The following PLCL1 variants were observed in gnomAD, a reference collection of about 807,000 sequenced individuals.
PLCL1 encodes phospholipase C like 1 (inactive), also known as inactive phospholipase C-like protein 1.
PLCL1 carries 41 observed loss-of-function variants against 84.4 expected under a neutral mutation model. That is an observed-to-expected ratio of 0.49 (90% CI 0.38 to 0.63). PLCL1 has a LOEUF of 0.63. Ranked by LOEUF, PLCL1 falls within the 30% of genes least tolerant of loss-of-function variation. PLCL1 has a pLI of 0.00. For synonymous variants in PLCL1, 490 were observed against 488.3 expected (o/e 1.00, Z -0.05); for missense variants, 1,206 against 1,367.8 (o/e 0.88, Z 1.87).
At chr2:197,904,722 T>C (rs2105740290) in intron 1 of PLCL1, among the ~76,000 whole-genome samples, 1 of 152,296 alleles carries the variant, frequency 6.6e-6, no homozygotes, top group South Asian at 2.1e-4. Flanking sequence ...GCAAGGTATA[T>C]TGGTCTGACA....
intron 5 of PLCL1, among the ~76,000 whole-genome samples, chr2:198,140,901 T>C (rs1694370389): frequency 6.6e-6 from 1 of 152,162 alleles, no homozygotes. Context: ...AATCCTAAAA[T>C]ACATCCTTTA....
rs948570429 is a variant in PLCL1, at chr2:198,148,466, A to C, written c.*1504A>C. On this transcript the variant is annotated 3_prime_UTR_variant, in exon 6 of 6. Transcript: ENST00000428675. ...AAAGCTAATGAAAATGGGTTACTAC[A>C]TCAAAAATATCTTAAAGAGTTTGCT... 6.6e-6 allele frequency: 1 copy of C among 152,338 alleles called. No homozygotes were observed. Among genetic ancestry groups the C allele is most frequent in the African/African-American group, 2.4e-5 (1 of 41,456 alleles). 9.4% of individuals were successfully genotyped at this position (152,338 alleles called of 1,614,324 possible). A position where few individuals can be genotyped will look rare whatever the true frequency, so the allele number is the denominator to read the frequency against.
intron 5 of PLCL1, among the ~76,000 whole-genome samples, chr2:198,108,659 T>C (rs1693547117): frequency 6.6e-6 from 1 of 151,920 alleles, no homozygotes; most frequent in East Asian, 1.9e-4. Flanking sequence ...TGAATAAGAA[T>C]TATAATTACA....
chr2:198,011,501 A>C (rs1574244926), intron 1 of PLCL1, among the ~76,000 whole-genome samples: 1 of 151,786 alleles, frequency 6.6e-6, no homozygotes, highest in African/African-American at 2.4e-5. Context: ...AATCTTCTTA[A>C]ATTTGTTAAG....
At chr2:198,096,014 T>C (rs1404138131) in intron 3 of PLCL1, among the ~76,000 whole-genome samples, 2 of 152,234 alleles carry the variant, frequency 1.3e-5, no homozygotes, top group African/African-American at 4.8e-5. Flanking sequence ...TGCCATTTTG[T>C]ATATGTCTTT....
chr2:198,073,840 C>T (rs1291990501), intron 1 of PLCL1, among the ~76,000 whole-genome samples: 2 of 152,142 alleles, frequency 1.3e-5, no homozygotes, highest in African/African-American at 2.4e-5. Context: ...GAATAGACTT[C>T]TCCAAATCTA....
At chr2:197,871,111 A>G (rs1038496679) in intron 1 of PLCL1, among the ~76,000 whole-genome samples, 1 of 152,090 alleles carries the variant, frequency 6.6e-6, no homozygotes, top group African/African-American at 2.4e-5. Flanking sequence ...ACTTACCCTC[A>G]AGCAGGAATG....
At chr2:198,119,985 G>T (rs927135192) in intron 5 of PLCL1, among the ~76,000 whole-genome samples, 1 of 151,984 alleles carries the variant, frequency 6.6e-6, no homozygotes, top group Non-Finnish European at 1.5e-5. Flanking sequence ...GGTCACTGTA[G>T]ATGCCTGTGT....
chr2:197,876,115 A>G (rs1687727736), intron 1 of PLCL1, among the ~76,000 whole-genome samples: 1 of 152,214 alleles, frequency 6.6e-6, no homozygotes, highest in African/African-American at 2.4e-5. Flanking sequence ...TGTATCTAAG[A>G]AGTATGGTTA....
intron 5 of PLCL1, among the ~76,000 whole-genome samples, chr2:198,123,601 C>T (rs1173904812): frequency 6.6e-6 from 1 of 152,006 alleles, no homozygotes; most frequent in African/African-American, 2.4e-5. Context: ...CCTGCCAACA[C>T]CTTGATATGG....
intron 1 of PLCL1, among the ~76,000 whole-genome samples, chr2:197,983,878 A>C (rs1017626910): frequency 1.3e-5 from 2 of 152,228 alleles, no homozygotes; most frequent in African/African-American, 4.8e-5. Context: ...CAGAAGGTGA[A>C]TAAAGAGTAG....
intron 1 of PLCL1, among the ~76,000 whole-genome samples, chr2:198,080,109 G>T (rs577233455): frequency 1.3e-5 from 2 of 152,162 alleles, no homozygotes; most frequent in African/African-American, 4.8e-5. Flanking sequence ...TATGGTCATT[G>T]GAATCAGTTC....
At chr2:198,077,482 G>A (rs1053203958) in intron 1 of PLCL1, among the ~76,000 whole-genome samples, 8 of 152,048 alleles carry the variant, frequency 5.3e-5, no homozygotes, top group African/African-American at 1.9e-4. Context: ...GGCTTCTGTG[G>A]AAGCTCATTC....
intron 1 of PLCL1, among the ~76,000 whole-genome samples, chr2:197,830,148 A>G (rs1400050757): frequency 2.0e-5 from 3 of 152,200 alleles, no homozygotes; most frequent in East Asian, 3.9e-4. Flanking sequence ...CAGCAAGGGA[A>G]CAAAACTGGA....
intron 1 of PLCL1, among the ~76,000 whole-genome samples, chr2:198,042,711 A>G (rs1230091165): frequency 6.6e-6 from 1 of 152,228 alleles, no homozygotes; most frequent in Non-Finnish European, 1.5e-5. Context: ...GGAACATCCA[A>G]GTGGAAATAT....
At chr2:197,909,236 T>G (rs1021450217) in intron 1 of PLCL1, among the ~76,000 whole-genome samples, 16 of 152,334 alleles carry the variant, frequency 1.1e-4, no homozygotes, top group African/African-American at 3.6e-4. Context: ...AGCCAGGACA[T>G]TTTTCCATAT....
At chr2:197,849,269 T>G (rs1253212838) in intron 1 of PLCL1, among the ~76,000 whole-genome samples, 2 of 152,016 alleles carry the variant, frequency 1.3e-5, no homozygotes, top group African/African-American at 2.4e-5. Flanking sequence ...AAGAAAATAT[T>G]AGTGAGGCGG....
intron 1 of PLCL1, among the ~76,000 whole-genome samples, chr2:197,849,688 A>C (rs1209512768): frequency 6.6e-6 from 1 of 152,124 alleles, no homozygotes; most frequent in Non-Finnish European, 1.5e-5. Context: ...TGAAATATTC[A>C]ATGGTGGTGG....
chr2:198,143,432 T>A lies in PLCL1; in HGVS notation c.3106-3348T>A, dbSNP rs947739856. Among the ~76,000 whole-genome samples the A allele has an allele frequency of 2.6e-5, 4 of 152,112 alleles. No homozygotes were observed. The East Asian group carries it at 7.7e-4, about 29-fold the overall frequency. On this transcript the variant is annotated intron_variant, in intron 5 of 5. Transcript: ENST00000428675. ...CTGGTATCAGTCCATGGCCCCAGGG[T>A]TGGGGACACCTGCTGTACCTAATAT...
Sources: gnomAD v4.1 joint callset for allele counts (sites outside exome capture counted in the v4.1 genomes callset) on GRCh38, gnomAD v4.1.1 for gene constraint, MANE v1.5 for transcripts, NCBI Gene and HGNC (gene_info 2026-07-23, HGNC 2026-07-21) for gene names.